Variants in CHD1L observed in about 807,000 individuals in gnomAD.
CHD1L encodes chromodomain helicase DNA binding protein 1 like.
CHD1L carries 118 observed loss-of-function variants against 115.9 expected under a neutral mutation model. That is an observed-to-expected ratio of 1.02 (90% CI 0.88 to 1.19). The LOEUF (loss-of-function observed/expected upper bound fraction) is 1.19. Ranked by LOEUF, CHD1L falls within the 50% of genes most tolerant of loss-of-function variation. The pLI is 0.00. For missense variants in CHD1L, 1,179 were observed against 1,065.3 expected (o/e 1.11, Z -1.49); for synonymous variants, 411 against 387.1 (o/e 1.06, Z -0.72).
At chr1:147,261,624 A>C (rs1247874976) in intron 6 of CHD1L, among the ~76,000 whole-genome samples, 4 of 152,116 alleles carry the variant, frequency 2.6e-5, no homozygotes, top group Admixed American at 1.3e-4. Context: ...TTAAAACGGG[A>C]GGAGAGAAGC....
intron 6 of CHD1L, among the ~76,000 whole-genome samples, chr1:147,263,087 A>T (rs1428718021): frequency 2.5e-4 from 38 of 150,538 alleles, no homozygotes; most frequent in Non-Finnish European, 1.5e-5. Flanking sequence ...GCATAGATAC[A>T]CTTACATACA....
chr1:147,193,041 A>T, the CHD1L span, among the ~76,000 whole-genome samples: 1 of 152,180 alleles, frequency 6.6e-6, no homozygotes, highest in Non-Finnish European at 1.5e-5. Context: ...GTTAGGGAAG[A>T]TTCCTTCTTT....
intron 16 of CHD1L, 95 bp downstream of exon 16, chr1:147,284,594 A>G: frequency 8.9e-7 from 1 of 1,121,530 alleles, no homozygotes; most frequent in Non-Finnish European, 1.2e-6. Context: ...TTCTCTTAGG[A>G]TGATTTGTCA....
chr1:147,259,502 T>C, intron 5 of CHD1L: 1 of 179,608 alleles, frequency 5.6e-6, no homozygotes, highest in Non-Finnish European at 1.2e-5. Context: ...GCTATACTCT[T>C]TTAGACTAAA....
At chr1:147,210,633 C>T in the CHD1L span, 8 of 152,046 alleles carry the variant, frequency 5.3e-5, no homozygotes, top group African/African-American at 1.2e-4. Flanking sequence ...GTAATGAAAA[C>T]GCTCAGAGCC....
At chr1:147,248,772 C>T (rs1553934963) in intron 1 of CHD1L, among the ~76,000 whole-genome samples, 1 of 152,172 alleles carries the variant, frequency 6.6e-6, no homozygotes, top group Non-Finnish European at 1.5e-5. Flanking sequence ...TATAAAATCA[C>T]AGACTACTGA....
In CHD1L at chr1:147,268,841, C is replaced by A; in HGVS notation, c.1048C>A (p.His350Asn). 6.2e-7 allele frequency: 1 copy of A among 1,613,700 alleles called. No individual in the cohort carries two copies. Among genetic ancestry groups the A allele is most frequent in the South Asian group, 1.1e-5 (1 of 91,066 alleles). Residue 350 changes from histidine (H) to asparagine (N), a missense_variant, in exon 10 of 23, where the codon CAC becomes AAC. Physicochemically the swap from His to Asn is moderately conservative, Grantham distance 68. Transcript: ENST00000369258. ...CCTGACTGAGGCTAGTGGGAAGCTT[C>A]ACCTGCTGGATAAGCTACTAGCATT... ...DHLTEASGKL[H>N]LLDKLLAFLY...
the CHD1L span, chr1:147,190,077 T>C: frequency 8.0e-6 from 6 of 752,366 alleles, no homozygotes; most frequent in Non-Finnish European, 1.3e-5. Context: ...AGAATCTAAA[T>C]CCTTAAGCTA....
the CHD1L span, among the ~76,000 whole-genome samples, chr1:147,191,559 A>G: frequency 6.6e-6 from 1 of 151,844 alleles, no homozygotes; most frequent in South Asian, 2.1e-4. Flanking sequence ...AACTTGTTTG[A>G]GTTCATTGTA....
the CHD1L span, among the ~76,000 whole-genome samples, chr1:147,173,893 G>A: frequency 6.6e-6 from 1 of 152,200 alleles, no homozygotes; most frequent in Non-Finnish European, 1.5e-5. Context: ...TACAGAGTAG[G>A]CTTTTGCATT....
At chr1:147,194,319 AG>A in the CHD1L span, among the ~76,000 whole-genome samples, 4 of 152,114 alleles carry the variant, frequency 2.6e-5, no homozygotes, top group African/African-American at 9.7e-5. Context: ...ATCAGAGACT[AG>A]GATTGCAACC....
At chr1:147,212,338 T>G in the CHD1L span, 155 of 1,589,524 alleles carry the variant, frequency 9.8e-5, no homozygotes, top group African/African-American at 1.7e-3. Flanking sequence ...GCAGCTTCCT[T>G]GGAGAAACTG....
the CHD1L span, among the ~76,000 whole-genome samples, chr1:147,197,739 C>A: frequency 6.6e-6 from 1 of 152,178 alleles, no homozygotes; most frequent in Non-Finnish European, 1.5e-5. Context: ...AGAAACTACT[C>A]AGCCTCAGGC....
At chr1:147,225,087 G>T in the CHD1L span, 17 of 1,610,762 alleles carry the variant, frequency 1.1e-5, no homozygotes, top group Non-Finnish European at 1.4e-5. Flanking sequence ...GATGACAAAA[G>T]ACAAAAAGCA....
the CHD1L span, chr1:147,179,301 T>C: frequency 3.4e-4 from 550 of 1,607,766 alleles, 1 homozygote; most frequent in African/African-American, 6.1e-3. Context: ...AAAATAAAGA[T>C]GTGCTGATTG....
At chr1:147,203,114 C>CTTTT in the CHD1L span, among the ~76,000 whole-genome samples, 13,098 of 147,690 alleles carry the variant, frequency 0.089, 1,065 homozygotes, top group East Asian at 0.41. Flanking sequence ...CAAAGGTTTC[C>CTTTT]TTTTTTTTTT....
chr1:147,253,561 T>G (rs1669087162), intron 2 of CHD1L, among the ~76,000 whole-genome samples: 1 of 152,248 alleles, frequency 6.6e-6, no homozygotes, highest in South Asian at 2.1e-4. Flanking sequence ...TGGAATGCAG[T>G]GGCATGATCT....
chr1:147,254,338 CCTAGCA>C (rs138772931), intron 2 of CHD1L, among the ~76,000 whole-genome samples: 26,853 of 151,870 alleles, frequency 0.18, 2,981 homozygotes, highest in Middle Eastern at 0.26. Context: ...TAGGACAGTG[CCTAGCA>C]AATAGAAGAC....
In CHD1L at chr1:147,293,910, C is replaced by T. The variant is rs587703554; in HGVS notation, c.2506+188C>T. Among the ~76,000 whole-genome samples, 7 of 152,130 alleles carry T rather than the reference C, an allele frequency of 4.6e-5. No homozygotes were observed. In the South Asian group the frequency reaches 8.3e-4, roughly 18 times the overall value. The stretch of plus-strand genomic sequence containing the variant: ...GTCCTTTCCAAAACACTTTTAATAC[C>T]GGTTATCTCTGTAGGCCGTCTCCAT... On this transcript the variant is annotated intron_variant, in intron 21 of 22. Transcript: ENST00000369258.
Sources: allele counts gnomAD v4.1 joint callset (sites outside exome capture counted in the v4.1 genomes callset), GRCh38; gene constraint gnomAD v4.1.1; transcripts MANE v1.5; gene names NCBI Gene and HGNC (gene_info 2026-07-23, HGNC 2026-07-21).